The following MDGA2 variants were observed in gnomAD, a reference collection of about 807,000 sequenced individuals.
The protein encoded by MDGA2 is MAM domain-containing glycosylphosphatidylinositol anchor protein 2.
Under a neutral mutation model 117.8 loss-of-function variants are expected in MDGA2, and 40 were observed. That is an observed-to-expected ratio of 0.34 (90% CI 0.26 to 0.44). The LOEUF (loss-of-function observed/expected upper bound fraction) is 0.44, where lower values mean the gene tolerates loss of function less well. MDGA2 is among the 20% of genes least tolerant of loss of function. MDGA2 has a pLI of 1.00. For missense variants in MDGA2, 1,123 were observed against 1,250.6 expected, an observed-to-expected ratio of 0.90 and a Z score of 1.54; for synonymous variants, 452 against 439.0, an observed-to-expected ratio of 1.03 and a Z score of -0.37.
At chr14:47,230,798 G>T (rs1886663581) in intron 2 of MDGA2, among the ~76,000 whole-genome samples, 1 of 151,858 alleles carries the variant, frequency 6.6e-6, no homozygotes, top group Non-Finnish European at 1.5e-5. Context: ...TGAGGCATAA[G>T]AAACAATATA....
At chr14:47,298,283 T>C (rs1889146202) in intron 2 of MDGA2, among the ~76,000 whole-genome samples, 1 of 152,196 alleles carries the variant, frequency 6.6e-6, no homozygotes, top group African/African-American at 2.4e-5. Context: ...TTGTTTCATT[T>C]TCTTTGGATA....
chr14:46,983,810 T>C (rs991315960), intron 8 of MDGA2, among the ~76,000 whole-genome samples: 2 of 152,050 alleles, frequency 1.3e-5, no homozygotes, highest in African/African-American at 2.4e-5. Flanking sequence ...AGTGAGAATT[T>C]TGATTAATTC....
At chr14:47,555,230 T>C (rs1285040460) in intron 1 of MDGA2, among the ~76,000 whole-genome samples, 3 of 152,310 alleles carry the variant, frequency 2.0e-5, no homozygotes, top group East Asian at 3.9e-4. Context: ...GCAGTAGTAC[T>C]AGAATTAGAA....
intron 1 of MDGA2, among the ~76,000 whole-genome samples, chr14:47,607,805 T>A (rs1238442793): frequency 6.6e-6 from 1 of 152,118 alleles, no homozygotes; most frequent in Non-Finnish European, 1.5e-5. Flanking sequence ...TATGTTCAAA[T>A]AAGTAGTCAA....
chr14:47,147,472 C>T (rs1181983992), intron 3 of MDGA2, among the ~76,000 whole-genome samples: 2 of 152,150 alleles, frequency 1.3e-5, no homozygotes, highest in African/African-American at 2.4e-5. Flanking sequence ...GCTGCCCTGC[C>T]CTGAGGCAAA....
At chr14:47,275,634 G>GA (rs1343761404) in intron 2 of MDGA2, among the ~76,000 whole-genome samples, 1 of 151,836 alleles carries the variant, frequency 6.6e-6, no homozygotes, top group African/African-American at 2.4e-5. Context: ...ATAATTCCAT[G>GA]AAAAAAGGGG....
Position 47,350,703 on chromosome 14 carries a change from G to GACT in MDGA2, c.281-49154_281-49153insAGT, listed in dbSNP as rs542346834. Among the ~76,000 whole-genome samples, 3 of 152,178 alleles carry GACT rather than the reference G, an allele frequency of 2.0e-5. No individual in the cohort carries two copies. In the South Asian group the frequency reaches 6.2e-4, roughly 32 times the overall value. On this transcript the variant is annotated intron_variant, in intron 1 of 16. Transcript: ENST00000399232. Reference sequence around the variant, plus strand: ...TGGGAGAATGTATCTTAGAGGCAGAGACAAGTAACCCTAGCATTTTAATAA... The same window carrying GACT: ...TGGGAGAATGTATCTTAGAGGCAGAGACTACAAGTAACCCTAGCATTTTAATAA...
chr14:47,387,263 C>T (rs1338482701), intron 1 of MDGA2, among the ~76,000 whole-genome samples: 2 of 152,118 alleles, frequency 1.3e-5, no homozygotes, highest in Non-Finnish European at 2.9e-5. Context: ...TTGTTTGAGA[C>T]CAAGACAAAC....
chr14:47,423,842 C>T (rs1594849917), intron 1 of MDGA2, among the ~76,000 whole-genome samples: 1 of 151,846 alleles, frequency 6.6e-6, no homozygotes, highest in African/African-American at 2.4e-5. Flanking sequence ...GACTAAGTCT[C>T]GTTCTGTCAC....
chr14:47,448,355 G>C (rs996774248), intron 1 of MDGA2, among the ~76,000 whole-genome samples: 2 of 151,978 alleles, frequency 1.3e-5, no homozygotes, highest in Admixed American at 6.6e-5. Context: ...GGCCAGGCTG[G>C]TCTCGAACTC....
chr14:47,614,826 T>C (rs916473691), intron 1 of MDGA2, among the ~76,000 whole-genome samples: 1 of 152,212 alleles, frequency 6.6e-6, no homozygotes, highest in Non-Finnish European at 1.5e-5. Context: ...TCTCTATCTC[T>C]TACTTTTCTC....
intron 14 of MDGA2, among the ~76,000 whole-genome samples, chr14:46,870,418 T>C (rs1881948695): frequency 6.6e-6 from 1 of 151,996 alleles, no homozygotes; most frequent in South Asian, 2.1e-4. Flanking sequence ...TGGCTATAAA[T>C]GCCTCCTGAG....
intron 1 of MDGA2, among the ~76,000 whole-genome samples, chr14:47,339,818 T>C (rs1229382969): frequency 6.6e-6 from 1 of 152,108 alleles, no homozygotes; most frequent in Non-Finnish European, 1.5e-5. Context: ...AAGACATACT[T>C]AAAAATTTTA....
intron 1 of MDGA2, among the ~76,000 whole-genome samples, chr14:47,641,188 A>G (rs1315832683): frequency 1.3e-5 from 2 of 152,110 alleles, no homozygotes; most frequent in African/African-American, 4.8e-5. Context: ...TTATACTTGA[A>G]GTGAAGCCAA....
chr14:47,382,349 C>T (rs1367745186), intron 1 of MDGA2, among the ~76,000 whole-genome samples: 4 of 152,158 alleles, frequency 2.6e-5, no homozygotes, highest in Admixed American at 2.0e-4. Flanking sequence ...CCAAAATTGA[C>T]AAATGGGATC....
intron 1 of MDGA2, among the ~76,000 whole-genome samples, chr14:47,402,867 C>T (rs1429823306): frequency 6.6e-6 from 1 of 152,152 alleles, no homozygotes; most frequent in Non-Finnish European, 1.5e-5. Flanking sequence ...GTTCCATTCA[C>T]AAAGAGTTTG....
At chr14:47,401,411 A>T (rs1034233771) in intron 1 of MDGA2, among the ~76,000 whole-genome samples, 1 of 152,158 alleles carries the variant, frequency 6.6e-6, no homozygotes, top group Non-Finnish European at 1.5e-5. Context: ...GGGGGAGAGA[A>T]AACCATGTTT....
At chr14:47,110,006 G>A (rs1300489082) in intron 5 of MDGA2, among the ~76,000 whole-genome samples, 1 of 152,094 alleles carries the variant, frequency 6.6e-6, no homozygotes, top group African/African-American at 2.4e-5. Context: ...GAAATAGTGT[G>A]ACAGATGATA....
intron 6 of MDGA2, among the ~76,000 whole-genome samples, chr14:47,066,562 C>T (rs1236978901): frequency 6.6e-6 from 1 of 152,184 alleles, no homozygotes; most frequent in Non-Finnish European, 1.5e-5. Flanking sequence ...CATTCTAGCA[C>T]ATCCACTGAC....
Sources: allele counts gnomAD v4.1 joint callset (sites outside exome capture counted in the v4.1 genomes callset), GRCh38; gene constraint gnomAD v4.1.1; transcripts MANE v1.5; gene names NCBI Gene and HGNC (gene_info 2026-07-23, HGNC 2026-07-21).